MCC: variants seen among roughly 807,000 people sequenced by gnomAD.
MCC encodes MCC regulator of Wnt signaling pathway.
In MCC, 90 loss-of-function variants were observed where a neutral mutation model predicts 116.2. The ratio of observed to expected loss-of-function variants is 0.77; its 90% confidence interval spans 0.65 to 0.92. The LOEUF is 0.92. Among genes scored for constraint, MCC ranks in the 40% least tolerant of loss-of-function variants. The pLI, the probability that MCC is intolerant of heterozygous loss-of-function variation, is 0.00. For synonymous variants in MCC, 578 were observed against 510.5 expected, an observed-to-expected ratio of 1.13 and a Z score of -1.78; for missense variants, 1,516 against 1,312.2, an observed-to-expected ratio of 1.16 and a Z score of -2.40.
At chr5:113,132,423 C>T (rs1012908992) in intron 5 of MCC, among the ~76,000 whole-genome samples, 5 of 130,178 alleles carry the variant, frequency 3.8e-5, no homozygotes, top group Admixed American at 7.8e-5. Flanking sequence ...TATATACACA[C>T]ATACATATAT....
intron 2 of MCC, among the ~76,000 whole-genome samples, chr5:113,374,208 T>TG (rs1256273010): frequency 1.4e-5 from 2 of 138,680 alleles, no homozygotes; most frequent in Non-Finnish European, 3.1e-5. Context: ...TTCTACTTTT[T>TG]TTTTTTTTGT....
At chr5:113,465,141 A>G (rs1443169479) in intron 1 of MCC, among the ~76,000 whole-genome samples, 3 of 151,792 alleles carry the variant, frequency 2.0e-5, no homozygotes, top group Non-Finnish European at 4.4e-5. Context: ...AAGGGAGGCC[A>G]CATAAAATAT....
chr5:113,289,346 T>A (rs866346902), intron 3 of MCC, among the ~76,000 whole-genome samples: 14 of 136,860 alleles, frequency 1.0e-4, no homozygotes, highest in East Asian at 2.1e-4. Flanking sequence ...AAAAAAAAAA[T>A]GAAAAGAAAA....
intron 3 of MCC, among the ~76,000 whole-genome samples, chr5:113,194,519 C>T (rs1338334899): frequency 1.3e-5 from 2 of 152,056 alleles, no homozygotes; most frequent in African/African-American, 2.4e-5. Context: ...TAAAAACTAA[C>T]CGAGCATGCA....
intron 3 of MCC, among the ~76,000 whole-genome samples, chr5:113,162,713 G>A (rs954365438): frequency 6.6e-6 from 1 of 152,016 alleles, no homozygotes; most frequent in Non-Finnish European, 1.5e-5. Context: ...TGCCCAGGCT[G>A]GTCTCAAACT....
At chr5:113,356,195 C>T (rs1302954566) in intron 2 of MCC, among the ~76,000 whole-genome samples, 2 of 151,600 alleles carry the variant, frequency 1.3e-5, no homozygotes, top group Middle Eastern at 3.4e-3. Context: ...CTCAGCCTCT[C>T]GAGTAGCCTG....
At chr5:113,343,358 T>C (rs765996150) in intron 2 of MCC, among the ~76,000 whole-genome samples, 3 of 152,252 alleles carry the variant, frequency 2.0e-5, no homozygotes, top group Non-Finnish European at 4.4e-5. Context: ...TTTACTTTAA[T>C]GTTAAAGTCT....
chr5:113,426,375 A>C (rs570233471), intron 1 of MCC, among the ~76,000 whole-genome samples: 3 of 152,306 alleles, frequency 2.0e-5, no homozygotes, highest in Admixed American at 6.5e-5. Flanking sequence ...CTGTTAGTCC[A>C]AGACTGGGTG....
chr5:113,242,181 T>C (rs772946503), intron 3 of MCC, among the ~76,000 whole-genome samples: 2 of 152,226 alleles, frequency 1.3e-5, no homozygotes, highest in Admixed American at 6.5e-5. Flanking sequence ...AAGCAAGATA[T>C]TAAATTCTTT....
intron 3 of MCC, among the ~76,000 whole-genome samples, chr5:113,244,969 T>G (rs1159955921): frequency 1.3e-5 from 2 of 152,190 alleles, no homozygotes; most frequent in Non-Finnish European, 2.9e-5. Context: ...GATTAGCCAT[T>G]GTGGGTTAAA....
At chr5:113,387,031 T>A (rs977117633) in intron 1 of MCC, among the ~76,000 whole-genome samples, 1 of 152,130 alleles carries the variant, frequency 6.6e-6, no homozygotes, top group African/African-American at 2.4e-5. Context: ...CTAACTTGCT[T>A]TGGCCCCTCG....
intron 2 of MCC, among the ~76,000 whole-genome samples, chr5:113,350,109 C>G (rs1768231155): frequency 6.6e-6 from 1 of 152,054 alleles, no homozygotes; most frequent in Non-Finnish European, 1.5e-5. Context: ...TTAAACTGTC[C>G]ATACTACCCA....
chr5:113,189,155 G>T (rs80180353), intron 3 of MCC, among the ~76,000 whole-genome samples: 12,207 of 152,086 alleles, frequency 0.08, 688 homozygotes, highest in African/African-American at 0.15. Context: ...TAATCCAATG[G>T]GTGCACTGAG....
At chr5:113,075,272 G>C (rs1017674109) in intron 11 of MCC, among the ~76,000 whole-genome samples, 1 of 152,196 alleles carries the variant, frequency 6.6e-6, no homozygotes, top group Non-Finnish European at 1.5e-5. Context: ...CTGCCTCCCC[G>C]CGGAGCAGGG....
At chr5:113,204,747 G>A (rs888079191) in intron 3 of MCC, among the ~76,000 whole-genome samples, 3 of 152,190 alleles carry the variant, frequency 2.0e-5, no homozygotes, top group African/African-American at 7.2e-5. Flanking sequence ...ATGATCACAG[G>A]GGAGGGTAAT....
chr5:113,072,681 C>T (rs1431205312), intron 11 of MCC, among the ~76,000 whole-genome samples: 1 of 152,182 alleles, frequency 6.6e-6, no homozygotes, highest in Non-Finnish European at 1.5e-5. Context: ...ATTAGTAAGG[C>T]TTGCCATTCT....
At chr5:113,112,611 G>A (rs942291834) in intron 6 of MCC, among the ~76,000 whole-genome samples, 5 of 152,058 alleles carry the variant, frequency 3.3e-5, no homozygotes, top group Non-Finnish European at 7.4e-5. Context: ...GTGTGAAAAC[G>A]GACTAATACA....
intron 14 of MCC, among the ~76,000 whole-genome samples, chr5:113,054,610 T>G (rs558650172): frequency 1.3e-5 from 2 of 152,174 alleles, no homozygotes; most frequent in Non-Finnish European, 2.9e-5. Flanking sequence ...GTTTGCAACA[T>G]GTACCATGAA....
intron 1 of MCC, among the ~76,000 whole-genome samples, chr5:113,451,865 G>C (rs929559566): frequency 6.6e-6 from 1 of 152,216 alleles, no homozygotes; most frequent in Non-Finnish European, 1.5e-5. Flanking sequence ...AAAAATCAGT[G>C]TGTTTAACTA....
Sources: gnomAD v4.1 joint callset for allele counts (sites outside exome capture counted in the v4.1 genomes callset) on GRCh38, gnomAD v4.1.1 for gene constraint, MANE v1.5 for transcripts, NCBI Gene and HGNC (gene_info 2026-07-23, HGNC 2026-07-21) for gene names.